Variants in TLN1 observed in about 807,000 individuals in gnomAD.
The protein encoded by TLN1 is talin 1, also known as talin-1.
TLN1 carries 56 observed loss-of-function variants against 292.3 expected under a neutral mutation model. The ratio of observed to expected loss-of-function variants is 0.19; its 90% CI spans 0.15 to 0.24. The LOEUF (loss-of-function observed/expected upper bound fraction) is 0.24. TLN1 is among the 10% of genes least tolerant of loss of function. TLN1 has a pLI of 1.00. For synonymous variants in TLN1, 1,119 were observed against 1,253.7 expected (o/e 0.89, Z 2.27); for missense variants, 2,433 against 3,248.2 (o/e 0.75, Z 6.10).
chr9:35,716,320 G>C (rs1348428658), intron 20 of TLN1, 70 bp downstream of exon 20: 1 of 1,558,808 alleles, frequency 6.4e-7, no homozygotes, highest in East Asian at 2.3e-5. Context: ...CATCAGATGA[G>C]GGTGACCATC....
intron 7 of TLN1, chr9:35,723,735 T>G: frequency 3.4e-6 from 2 of 593,020 alleles, no homozygotes; most frequent in Non-Finnish European, 2.8e-6. Context: ...GCTTCAGAGA[T>G]GGGGGTAGGG....
chr9:35,718,375 G>A (rs1334898091), intron 17 of TLN1, among the ~76,000 whole-genome samples: 1 of 152,228 alleles, frequency 6.6e-6, no homozygotes, highest in Non-Finnish European at 1.5e-5. Context: ...ATCGGGGGGA[G>A]ATCGAACCCC....
In TLN1 at chr9:35,707,294, C is replaced by T. The variant is rs756926760; in HGVS notation, c.4774-41G>A. On this transcript the variant is annotated intron_variant, in intron 36 of 56. Coordinates refer to ENST00000314888, the MANE Select transcript of TLN1 (RefSeq NM_006289.4). The surrounding 1 kb of genome is among the most constrained non-coding windows in gnomAD (Gnocchi z 5.6). ...GCAGGAAGGTAAGTCTCAGGAGTCC[C>T]TGGAAGATGAGGTGATAAGCTGGCC... The T allele has an allele frequency of 1.2e-6, 2 of 1,607,736 alleles. No individual in the cohort carries two copies. The highest frequency in any genetic ancestry group is 2.2e-5 in the East Asian group (1 of 44,728).
At chr9:35,709,090 CCAAA>C (rs1825614408) in intron 33 of TLN1, among the ~76,000 whole-genome samples, 1 of 152,086 alleles carries the variant, frequency 6.6e-6, no homozygotes, top group Admixed American at 6.6e-5. Flanking sequence ...GGGAAAAAAA[CCAAA>C]CAAACAACAA....
intron 1 of TLN1, among the ~76,000 whole-genome samples, chr9:35,731,781 C>A (rs1213043734): frequency 6.6e-6 from 1 of 152,198 alleles, no homozygotes; most frequent in African/African-American, 2.4e-5. Context: ...AGCTTTCCTA[C>A]CCACATGCCC....
At chr9:35,729,199 A>G (rs1405206312) in intron 1 of TLN1, among the ~76,000 whole-genome samples, 1 of 152,240 alleles carries the variant, frequency 6.6e-6, no homozygotes, top group African/African-American at 2.4e-5. Context: ...TCTCCAAATA[A>G]TAAGTTGTGA....
At chr9:35,728,639 C>T (rs929832512) in intron 1 of TLN1, among the ~76,000 whole-genome samples, 5 of 152,338 alleles carry the variant, frequency 3.3e-5, no homozygotes, top group East Asian at 1.9e-4. Context: ...GATCCCATCA[C>T]GACTGCATTA....
In TLN1 at chr9:35,699,724, G is replaced by A; in HGVS notation, c.6768+250C>T. On this transcript the variant is annotated intron_variant, in intron 50 of 56. Coordinates refer to ENST00000314888, the MANE Select transcript of TLN1 (RefSeq NM_006289.4). The surrounding 1 kb of genome is among the most constrained non-coding windows in gnomAD (Gnocchi z 4.0). The stretch of plus-strand genomic sequence containing the variant: ...AGAGGAGACGACGAAAGTAGAGAAG[G>A]GGGTGGTCAGGTGGGAAGGGAGGAG... 2.0e-6 allele frequency: 2 copies of A among 982,438 alleles called. No homozygotes were observed. The highest frequency in any genetic ancestry group is 2.4e-6 in the Non-Finnish European group (2 of 827,246). The allele number at this position is 982,438 out of a possible 1,614,324, so 60.9% of individuals were successfully genotyped here.
Position 35,724,054 on chromosome 9 carries a change from G to C in TLN1, c.680C>G (p.Ser227Cys). Residue 227 changes from serine to cysteine, a missense_variant, in exon 7 of 57, where the codon TCC (serine) becomes TGC (cysteine). Transcript: ENST00000314888. This position sits in a 1 kb window ranked among gnomAD's most constrained non-coding sequence, Gnocchi z 4.7. ...GGCCTTGTCAAAGGAGACAGGGTGG[G>C]AGCCATTCAGGATGTCATCTCGTGC... ...VQARDDILNG[S>C]HPVSFDKACE... 1 of 1,613,938 alleles carries C rather than the reference G, an allele frequency of 6.2e-7. No homozygotes were observed. Among genetic ancestry groups the C allele is most frequent in the South Asian group, 1.1e-5 (1 of 91,084 alleles).
intron 9 of TLN1, 26 bp from the exon 10 acceptor site, chr9:35,721,829 G>A: frequency 6.2e-7 from 1 of 1,603,332 alleles, no homozygotes; most frequent in Non-Finnish European, 8.5e-7. Flanking sequence ...TGGTGTTGGT[G>A]TTACAGGTCA....
At position 35,707,472 on chromosome 9, in the gene TLN1, A is replaced by C. The variant is rs1825586371; in HGVS notation, c.4649T>G (p.Phe1550Cys). Residue 1550 changes from phenylalanine (F) to cysteine (C), a missense_variant, in exon 36 of 57, where the codon TTC becomes TGC. Phe to Cys is a radical substitution (Grantham distance 205). Coordinates refer to ENST00000314888, the MANE Select transcript of TLN1 (RefSeq NM_006289.4). The surrounding 1 kb of genome is among the most constrained non-coding windows in gnomAD (Gnocchi z 5.6). ...GCACTGGGCACGGTTCTCCTCTGTG[A>C]AGGCCCCATCTAGCGCCTAGAAGTG... ...VKTIKALDGA[F>C]TEENRAQCRA... 1 of 1,614,134 alleles carries C rather than the reference A, an allele frequency of 6.2e-7. No individual in the cohort carries two copies. The highest frequency in any genetic ancestry group is 2.2e-5 in the East Asian group (1 of 44,894).
In TLN1 at chr9:35,722,236, T is replaced by TG. The variant is rs1347287181; in HGVS notation, c.844-14dup. 6.2e-7 allele frequency: 1 copy of TG among 1,611,442 alleles called. No individual in the cohort carries two copies. The highest frequency in any genetic ancestry group is 1.7e-5 in the Admixed American group (1 of 60,016). On this transcript the variant is annotated splice_polypyrimidine_tract_variant and intron_variant, in intron 8 of 56. Transcript: ENST00000314888. Reference sequence around the variant, plus strand: ...AATTCTTGTGTGCCTGTGCATAAAATGGGGAAGAATTTAGCAAAGAGTTTC... The same window carrying TG: ...AATTCTTGTGTGCCTGTGCATAAAATGGGGGAAGAATTTAGCAAAGAGTTTC...
chr9:35,703,041 G>C (rs905494145), intron 48 of TLN1, among the ~76,000 whole-genome samples: 6 of 152,008 alleles, frequency 3.9e-5, no homozygotes, highest in Non-Finnish European at 4.4e-5. Flanking sequence ...TGGCTCATGA[G>C]TGTAATCCCA....
rs898935792 is a variant in TLN1, at chr9:35,718,904, G to T, written c.1903C>A (p.Gln635Lys). The T allele has an allele frequency of 1.4e-5, 22 of 1,612,312 alleles. No individual in the cohort carries two copies. Among genetic ancestry groups the T allele is most frequent in the Non-Finnish European group, 1.7e-5 (20 of 1,179,206 alleles). Residue 635 changes from glutamine (Q) to lysine (K), a missense_variant, in exon 17 of 57, where the codon CAG becomes AAG. By Grantham distance (53) the Gln-to-Lys change is moderately conservative. This residue lies in a region of TLN1 where 617 missense variants were observed against 770.6 expected (regional missense o/e 0.80). Transcript: ENST00000314888. Reference protein sequence around the residue: ...SAQPASAEPRQNLLQAAGNVG... With the variant: ...SAQPASAEPRKNLLQAAGNVG... ...TTCCCAGCTGCTTGCAGCAGGTTCT[G>T]ACGGGGCTGTGGAGAGTGAACACCA...
In TLN1 at chr9:35,720,853, C is replaced by A. The variant is rs1702506737; in HGVS notation, c.1165G>T (p.Ala389Ser). Residue 389 changes from alanine to serine, a missense_variant, in exon 11 of 57, where the codon GCA (alanine) becomes TCA (serine). Ala to Ser is a moderately conservative substitution (Grantham distance 99). Transcript: ENST00000314888. Reference protein sequence around the residue: ...SVQTTEGEQIAQLIAGYIDII... With the variant: ...SVQTTEGEQISQLIAGYIDII... The stretch of plus-strand genomic sequence containing the variant: ...TCGATGTAGCCGGCAATGAGCTGTG[C>A]AATCTGCTCCCCTTCAGTTGTCTGT... 6.2e-7 allele frequency: 1 copy of A among 1,614,042 alleles called. No individual in the cohort carries two copies. The highest frequency in any genetic ancestry group is 1.7e-5 in the Admixed American group (1 of 60,000).
At chr9:35,718,560 G>C (rs533337995) in intron 17 of TLN1, among the ~76,000 whole-genome samples, 1 of 152,280 alleles carries the variant, frequency 6.6e-6, no homozygotes, top group African/African-American at 2.4e-5. Context: ...GGGGAAGAGA[G>C]AGAAAAGATG....
chr9:35,704,138 C>T lies in TLN1; in HGVS notation c.6084G>A (p.Glu2028=). 1.2e-6 allele frequency: 2 copies of T among 1,610,884 alleles called. No individual in the cohort carries two copies. Among genetic ancestry groups the T allele is most frequent in the Non-Finnish European group, 1.7e-6 (2 of 1,178,192 alleles). The change falls in exon 46 of 57, where the codon GAG becomes GAA. Residue 2028 remains glutamate (E), a synonymous_variant. Transcript: ENST00000314888. The surrounding 1 kb of genome is among the most constrained non-coding windows in gnomAD (Gnocchi z 6.9). ...GILKTAKVLV[E]DTKVLVQNAA... Reference sequence around the variant, plus strand: ...CGTTTTGCACCAGGACCTTGGTGTCCTCCACCAGCACCTTCGCAGTCTTCA... The same window carrying T: ...CGTTTTGCACCAGGACCTTGGTGTCTTCCACCAGCACCTTCGCAGTCTTCA...
chr9:35,704,561 T>C lies in TLN1; in HGVS notation c.5881-63A>G. On this transcript the variant is annotated intron_variant, in intron 44 of 56. Coordinates refer to ENST00000314888, the MANE Select transcript of TLN1 (RefSeq NM_006289.4). This position sits in a 1 kb window ranked among gnomAD's most constrained non-coding sequence, Gnocchi z 6.9. ...CCATGTGAAATGGAAAGGTTGCCCA[T>C]GCCTGGGAGAAGTGACAACAGGAGA... 6.3e-7 allele frequency: 1 copy of C among 1,583,002 alleles called. No individual in the cohort carries two copies. Among genetic ancestry groups the C allele is most frequent in the Non-Finnish European group, 8.6e-7 (1 of 1,162,730 alleles).
Position 35,717,916 on chromosome 9 carries a change from A to C in TLN1, c.1996-130T>G. On this transcript the variant is annotated intron_variant, in intron 17 of 56. Transcript: ENST00000314888. This position sits in a 1 kb window ranked among gnomAD's most constrained non-coding sequence, Gnocchi z 4.7. ...GAGAGTGTACGCAGAAGCAACCAGA[A>C]CCTACCCCGAGCTACTGCCCTGAGC... 1 of 1,103,456 alleles carries C rather than the reference A, an allele frequency of 9.1e-7. No homozygotes were observed. The highest frequency in any genetic ancestry group is 2.7e-5 in the Admixed American group (1 of 37,464). 68.4% of individuals were successfully genotyped at this position (1,103,456 alleles called of 1,614,324 possible). A position where few individuals can be genotyped will look rare whatever the true frequency, so the allele number is the denominator to read the frequency against.
Sources: gnomAD v4.1 joint callset for allele counts (sites outside exome capture counted in the v4.1 genomes callset) on GRCh38, gnomAD v4.1.1 for gene constraint, gnomAD v4.1.1 regional missense constraint, Gnocchi (gnomAD v3.1) non-coding constraint, MANE v1.5 for transcripts, NCBI Gene and HGNC (gene_info 2026-07-23, HGNC 2026-07-21) for gene names.